GEN1: variants seen among roughly 807,000 people sequenced by gnomAD.
GEN1 encodes the protein flap endonuclease GEN homolog 1.
Under a neutral mutation model 67.6 loss-of-function variants are expected in GEN1, and 64 were observed. That is an observed-to-expected ratio of 0.95 (90% CI 0.77 to 1.17). GEN1 has a LOEUF of 1.17. Ranked by LOEUF, GEN1 falls within the 50% of genes most tolerant of loss-of-function variation. The pLI is 0.00. For missense variants in GEN1, 1,058 were observed against 1,048.3 expected, an observed-to-expected ratio of 1.01 and a Z score of -0.13; for synonymous variants, 371 against 359.4, an observed-to-expected ratio of 1.03 and a Z score of -0.37.
intron 12 of GEN1, among the ~76,000 whole-genome samples, chr2:17,779,399 A>G (rs1399998863): frequency 2.0e-5 from 3 of 152,248 alleles, no homozygotes; most frequent in Non-Finnish European, 2.9e-5. Context: ...CCTTTCAGCT[A>G]CTGCTACCAT....
At chr2:17,768,846 C>G in intron 6 of GEN1, 35 bp downstream of exon 6, 1 of 1,288,444 alleles carries the variant, frequency 7.8e-7, no homozygotes, top group Admixed American at 1.8e-5. Context: ...TGACATTGAA[C>G]CTTTATTCTT....
At chr2:17,760,615 C>T (rs1671630230) in intron 2 of GEN1, among the ~76,000 whole-genome samples, 1 of 152,148 alleles carries the variant, frequency 6.6e-6, no homozygotes, top group South Asian at 2.1e-4. Flanking sequence ...ATAAATCTTT[C>T]TTGCTTAAAA....
At position 17,781,441 on chromosome 2, in the gene GEN1, G is replaced by A. The variant is rs1341689872; in HGVS notation, c.2229G>A (p.Leu743=). 7 of 1,613,404 alleles carry A rather than the reference G, an allele frequency of 4.3e-6. No homozygotes were observed. The highest frequency in any genetic ancestry group is 5.9e-6 in the Non-Finnish European group (7 of 1,179,858). ...RDSKILKGDQ[L]LQEDYKVNTS... is the part of the protein sequence containing the mutation. The stretch of plus-strand genomic sequence containing the variant: ...CTAAAATTCTAAAAGGAGACCAGCT[G>A]CTTCAAGAAGACTATAAAGTCAATA... Residue 743 remains leucine, a synonymous_variant, in exon 14 of 14, where the codon CTG becomes CTA. Transcript: ENST00000381254.
At chr2:17,756,722 G>A (rs903814579) in intron 1 of GEN1, among the ~76,000 whole-genome samples, 1 of 152,058 alleles carries the variant, frequency 6.6e-6, no homozygotes, top group African/African-American at 2.4e-5. Flanking sequence ...TACCATGCCC[G>A]GCTAGTGTAG....
Position 17,760,094 on chromosome 2 carries a change from C to A in GEN1, c.151C>A (p.Pro51Thr). The A allele has an allele frequency of 6.2e-7, 1 of 1,613,698 alleles. No homozygotes were observed. Among genetic ancestry groups the A allele is most frequent in the Non-Finnish European group, 8.5e-7 (1 of 1,179,792 alleles). The change falls in exon 2 of 14, where the codon CCC (proline) becomes ACC (threonine). Residue 51 changes from proline (P) to threonine (T), a missense_variant. Coordinates refer to ENST00000381254, the MANE Select transcript of GEN1 (RefSeq NM_001130009.3). ...AAAAATGATGGGCAGCGTCATGAAG[C>A]CCCACCTCAGGTATAGTAAAAGCTC... ...VKKMMGSVMKPHLRNLFFRIS... is the reference protein window; with the variant it reads ...VKKMMGSVMKTHLRNLFFRIS...
intron 1 of GEN1, among the ~76,000 whole-genome samples, chr2:17,755,960 G>A (rs916952143): frequency 2.6e-5 from 4 of 152,028 alleles, no homozygotes; most frequent in Non-Finnish European, 5.9e-5. Context: ...AACTGGAAGT[G>A]GATTCTTAAG....
rs751517358 is a variant in GEN1, at chr2:17,781,853, C to T, written c.2641C>T (p.His881Tyr). Residue 881 changes from histidine to tyrosine, a missense_variant, in exon 14 of 14, where the codon CAT becomes TAT. By Grantham distance (83) the His-to-Tyr change is moderately conservative. Coordinates refer to ENST00000381254, the MANE Select transcript of GEN1 (RefSeq NM_001130009.3). ...AAGTTCTCTGAGTTCTCTACAATGT[C>T]ATAAGAAAGAAAACAACTCTGGTAC... ...TKSSLSSLQC[H>Y]KKENNSGTCL... 6.5e-7 allele frequency: 1 copy of T among 1,543,062 alleles called. No individual in the cohort carries two copies. Among genetic ancestry groups the T allele is most frequent in the South Asian group, 1.1e-5 (1 of 87,590 alleles).
chr2:17,763,287 A>G (rs1671768203), intron 3 of GEN1, among the ~76,000 whole-genome samples: 1 of 152,172 alleles, frequency 6.6e-6, no homozygotes, highest in Non-Finnish European at 1.5e-5. Context: ...ATCTGTGCTA[A>G]GTTCTAATTA....
intron 4 of GEN1, 45 bp downstream of exon 4, chr2:17,765,118 C>G: frequency 6.3e-7 from 1 of 1,576,698 alleles, no homozygotes; most frequent in South Asian, 1.1e-5. Flanking sequence ...TACGAACTAC[C>G]TTTTTTAAAG....
chr2:17,776,517 G>A (rs951691254), intron 11 of GEN1, among the ~76,000 whole-genome samples: 1 of 152,214 alleles, frequency 6.6e-6, no homozygotes, highest in African/African-American at 2.4e-5. Context: ...GAAAGCAAAT[G>A]TGATAAAATG....
In GEN1 at chr2:17,767,225, A is replaced by G. The variant is rs540874673; in HGVS notation, c.636+536A>G. On this transcript the variant is annotated intron_variant, in intron 5 of 13. Coordinates refer to ENST00000381254, the MANE Select transcript of GEN1 (RefSeq NM_001130009.3). ...ATCTAGTGCTCTGTAACAAATAGGT[A>G]TAACAGGTGAGTGATGAGTTAAGTA... 1.2e-4 allele frequency among the ~76,000 whole-genome samples: 18 copies of G among 152,338 alleles called. No homozygotes were observed. In the South Asian group the frequency reaches 3.1e-3, roughly 26 times the overall value.
Position 17,781,129 on chromosome 2 carries a change from C to T in GEN1, c.1917C>T (p.Tyr639=). Residue 639 remains tyrosine (Y), a synonymous_variant, in exon 14 of 14, where the codon TAC becomes TAT. Coordinates refer to ENST00000381254, the MANE Select transcript of GEN1 (RefSeq NM_001130009.3). ...AACTGTCCTGTGAATCAGAAAGGTA[C>T]ACTGCAAACATAAAGAAAGTGTTGG... ...PEQLSCESER[Y]TANIKKVLDE... The T allele has an allele frequency of 6.2e-7, 1 of 1,613,880 alleles. No individual in the cohort carries two copies. Among genetic ancestry groups the T allele is most frequent in the African/African-American group, 1.3e-5 (1 of 75,038 alleles).
At chr2:17,755,231 G>T (rs988085583) in intron 1 of GEN1, 6 of 152,208 alleles carry the variant, frequency 3.9e-5, no homozygotes, top group African/African-American at 1.2e-4. Flanking sequence ...CGGTTGGGAG[G>T]TCCCTACTTA....
intron 1 of GEN1, among the ~76,000 whole-genome samples, chr2:17,758,948 C>T (rs1179092973): frequency 6.6e-6 from 1 of 152,152 alleles, no homozygotes; most frequent in African/African-American, 2.4e-5. Context: ...GACAGCAACG[C>T]TTCCAGCATT....
rs1476036693 is a variant in GEN1, at chr2:17,764,898, G to T, written c.350G>T (p.Cys117Phe). 2 of 1,608,500 alleles carry T rather than the reference G, an allele frequency of 1.2e-6. No individual in the cohort carries two copies. The highest frequency in any genetic ancestry group is 1.7e-5 in the Admixed American group (1 of 58,160). ...RSHFKSVLRE[C>F]LHMLECLGIP... ...CTTGCACCTGCTTTTTGTTTTCAGTGCCTCCATATGCTCGAATGCTTAGGA... is the reference window on the plus strand; with the variant it reads ...CTTGCACCTGCTTTTTGTTTTCAGTTCCTCCATATGCTCGAATGCTTAGGA... Residue 117 changes from cysteine to phenylalanine, a missense_variant and splice_region_variant, in exon 4 of 14, where the codon TGC becomes TTC. By Grantham distance (205) the Cys-to-Phe change is radical. Coordinates refer to ENST00000381254, the MANE Select transcript of GEN1 (RefSeq NM_001130009.3).
In GEN1 at chr2:17,784,904, G is replaced by T. The variant is rs989968829; in HGVS notation, c.*2965G>T. 4 of 152,150 alleles carry T rather than the reference G, an allele frequency of 2.6e-5. No homozygotes were observed. The highest frequency in any genetic ancestry group is 9.7e-5 in the African/African-American group (4 of 41,428). The allele number at this position is 152,150 out of a possible 1,614,324, so 9.4% of individuals were successfully genotyped here. On this transcript the variant is annotated 3_prime_UTR_variant, in exon 14 of 14. Transcript: ENST00000381254. Reference sequence around the variant, plus strand: ...TATAGCTCAGGAGTCCCCAACCCCTGGGCTATGGACAGGTACCAGTCCATC... The same window carrying T: ...TATAGCTCAGGAGTCCCCAACCCCTTGGCTATGGACAGGTACCAGTCCATC...
chr2:17,760,660 G>C (rs1293686550), intron 2 of GEN1, among the ~76,000 whole-genome samples: 1 of 151,982 alleles, frequency 6.6e-6, no homozygotes, highest in Admixed American at 6.6e-5. Context: ...AGTGGCTCAC[G>C]CCTGTAATCC....
At chr2:17,758,973 C>G (rs1671551111) in intron 1 of GEN1, among the ~76,000 whole-genome samples, 2 of 152,112 alleles carry the variant, frequency 1.3e-5, no homozygotes, top group Admixed American at 6.6e-5. Flanking sequence ...TTCTTTGCAC[C>G]CATGGGCAAT....
In GEN1 at chr2:17,778,219, TACAC is replaced by T. The variant is rs552378151; in HGVS notation, c.1264+162_1264+165del. 6.5e-5 allele frequency among the ~76,000 whole-genome samples: 8 copies of T among 123,138 alleles called. 1 individual carries two copies. The highest frequency in any genetic ancestry group is 3.8e-3 in the Middle Eastern group (1 of 262). 80.8% of individuals were successfully genotyped at this position (123,138 alleles called of 152,430 possible). ...ACACATATATGTGTATATATATGTATACACACACATATATGTGTGTACATATATG... is the reference window on the plus strand; with the variant it reads ...ACACATATATGTGTATATATATGTATACACATATATGTGTGTACATATATG... On this transcript the variant is annotated intron_variant, in intron 12 of 13. Coordinates refer to ENST00000381254, the MANE Select transcript of GEN1 (RefSeq NM_001130009.3).
Sources: allele counts gnomAD v4.1 joint callset (sites outside exome capture counted in the v4.1 genomes callset), GRCh38; gene constraint gnomAD v4.1.1; transcripts MANE v1.5; gene names NCBI Gene and HGNC (gene_info 2026-07-23, HGNC 2026-07-21).